Variants in NRG3 observed in about 807,000 individuals in gnomAD.
The protein encoded by NRG3 is neuregulin 3.
In NRG3, 31 loss-of-function variants were observed where a neutral mutation model predicts 66.9. The observed-to-expected ratio is 0.46, with a 90% confidence interval of 0.35 to 0.63. The LOEUF is 0.63. Among genes scored for constraint, NRG3 ranks in the 20% least tolerant of loss-of-function variants. The pLI, the probability that NRG3 is intolerant of heterozygous loss-of-function variation, is 0.00. For synonymous variants in NRG3, 393 were observed against 359.4 expected (o/e 1.09, Z -1.06); for missense variants, 910 against 878.9 (o/e 1.04, Z -0.45).
intron 5 of NRG3, among the ~76,000 whole-genome samples, chr10:82,952,982 A>G (rs1849683895): frequency 6.6e-6 from 1 of 152,036 alleles, no homozygotes; most frequent in Non-Finnish European, 1.5e-5. Context: ...GCCTTACATT[A>G]GCATGGTACA....
intron 2 of NRG3, among the ~76,000 whole-genome samples, chr10:82,559,759 C>T: frequency 6.6e-6 from 1 of 152,120 alleles, no homozygotes; most frequent in Non-Finnish European, 1.5e-5. Flanking sequence ...TGTCACTAAA[C>T]AGTATCAATG....
intron 2 of NRG3, among the ~76,000 whole-genome samples, chr10:82,418,309 G>A (rs1210035890): frequency 6.6e-6 from 1 of 151,724 alleles, no homozygotes; most frequent in Non-Finnish European, 1.5e-5. Context: ...TCACCCACAA[G>A]GTAGATATTT....
rs550680690 is a variant in NRG3 at position 82,106,319 on chromosome 10, A to G, written c.823+230156A>G. Among the ~76,000 whole-genome samples, 7 of 152,294 alleles carry G rather than the reference A, an allele frequency of 4.6e-5. No individual in the cohort carries two copies. The East Asian group carries it at 1.2e-3, about 25-fold the overall frequency. On this transcript the variant is annotated intron_variant, in intron 1 of 8. Transcript: ENST00000372141. ...CCACCAGTGTTGCTGAGCCAAGGGCATAGATGCTAGAAGTTAGACCCAGGA... is the reference window on the plus strand; with the variant it reads ...CCACCAGTGTTGCTGAGCCAAGGGCGTAGATGCTAGAAGTTAGACCCAGGA...
At chr10:82,410,819 G>A (rs1308597470) in intron 2 of NRG3, among the ~76,000 whole-genome samples, 3 of 151,908 alleles carry the variant, frequency 2.0e-5, no homozygotes, top group East Asian at 3.9e-4. Flanking sequence ...TCTTGCATAC[G>A]TTAGCACTCT....
intron 2 of NRG3, among the ~76,000 whole-genome samples, chr10:82,374,346 G>A (rs1339254190): frequency 6.6e-6 from 1 of 152,190 alleles, no homozygotes; most frequent in Non-Finnish European, 1.5e-5. Flanking sequence ...TAGGTAGGAG[G>A]TCTGATCGCC....
chr10:82,983,834 T>C (rs1853172998), intron 8 of NRG3, among the ~76,000 whole-genome samples: 1 of 152,218 alleles, frequency 6.6e-6, no homozygotes, highest in Non-Finnish European at 1.5e-5. Flanking sequence ...TCAAGTGTAT[T>C]GATTACAAAC....
intron 1 of NRG3, among the ~76,000 whole-genome samples, chr10:82,017,818 C>T (rs2061855584): frequency 6.6e-6 from 1 of 152,008 alleles, no homozygotes; most frequent in African/African-American, 2.4e-5. Context: ...TGTTTGAGTT[C>T]TTTGTAGATT....
intron 2 of NRG3, among the ~76,000 whole-genome samples, chr10:82,494,867 A>G (rs1564988894): frequency 6.6e-6 from 1 of 151,996 alleles, no homozygotes; most frequent in Non-Finnish European, 1.5e-5. Flanking sequence ...CATGTGAGAC[A>G]TTGGCAGCTA....
At chr10:82,088,244 A>T (rs1013093128) in intron 1 of NRG3, among the ~76,000 whole-genome samples, 1 of 149,416 alleles carries the variant, frequency 6.7e-6, no homozygotes, top group Non-Finnish European at 1.5e-5. Flanking sequence ...AGCTTCTTTC[A>T]TTTCTTTTTT....
chr10:82,206,331 G>A (rs986672623), intron 1 of NRG3, among the ~76,000 whole-genome samples: 9 of 152,034 alleles, frequency 5.9e-5, no homozygotes, highest in South Asian at 2.1e-4. Context: ...ACAAATGACC[G>A]TTCTCATTGG....
At chr10:82,005,764 C>T (rs2133725713) in intron 1 of NRG3, among the ~76,000 whole-genome samples, 2 of 152,256 alleles carry the variant, frequency 1.3e-5, no homozygotes, top group Middle Eastern at 6.8e-3. Flanking sequence ...ACACGTTTAG[C>T]ATGTTGTGCT....
At chr10:82,681,716 A>G (rs2054123054) in intron 2 of NRG3, among the ~76,000 whole-genome samples, 1 of 152,242 alleles carries the variant, frequency 6.6e-6, no homozygotes, top group African/African-American at 2.4e-5. Context: ...GAACTGACTT[A>G]TTAACTAATG....
At chr10:82,850,259 G>A (rs2063499514) in intron 3 of NRG3, among the ~76,000 whole-genome samples, 1 of 152,182 alleles carries the variant, frequency 6.6e-6, no homozygotes, top group South Asian at 2.1e-4. Flanking sequence ...TTGGCTTGCT[G>A]TAGCCATGCA....
chr10:82,929,475 G>A (rs1273871207), intron 4 of NRG3, among the ~76,000 whole-genome samples: 1 of 152,168 alleles, frequency 6.6e-6, no homozygotes, highest in East Asian at 1.9e-4. Flanking sequence ...GTGTTTACTG[G>A]TTAAATTTTA....
intron 4 of NRG3, among the ~76,000 whole-genome samples, chr10:82,907,827 G>C (rs1734999983): frequency 6.6e-6 from 1 of 152,116 alleles, no homozygotes; most frequent in South Asian, 2.1e-4. Flanking sequence ...AGGATGTGAA[G>C]TCTACATGTG....
chr10:82,355,055 C>A (rs1029310909), intron 1 of NRG3, among the ~76,000 whole-genome samples: 1 of 152,166 alleles, frequency 6.6e-6, no homozygotes, highest in Non-Finnish European at 1.5e-5. Flanking sequence ...TGATTAAGTA[C>A]ATGCCAAAAT....
intron 2 of NRG3, among the ~76,000 whole-genome samples, chr10:82,503,603 TC>T (rs1335291476): frequency 1.3e-5 from 2 of 152,184 alleles, no homozygotes; most frequent in African/African-American, 4.8e-5. Context: ...CACGGGGCCC[TC>T]AATCTATTTA....
rs60100337 is a variant in NRG3 at position 82,952,471 on chromosome 10, C to CTGTGTGTGTG, written c.1157+940_1157+949dup. 3.3e-4 allele frequency among the ~76,000 whole-genome samples: 33 copies of CTGTGTGTGTG among 98,836 alleles called. 1 individual carries two copies. Among genetic ancestry groups the CTGTGTGTGTG allele is most frequent in the African/African-American group, 1.2e-3 (29 of 24,134 alleles). The allele number at this position is 98,836 out of a possible 152,430, so 64.8% of individuals were successfully genotyped here. A position where few individuals can be genotyped will look rare whatever the true frequency, so the allele number is the denominator to read the frequency against. On this transcript the variant is annotated intron_variant, in intron 5 of 8. Transcript: ENST00000372141. ...TATAAACGTCTCTCTCTCTCTCTCT[C>CTGTGTGTGTG]TGTGTGTGTGTGTGTGTGTGTGTGT...
intron 1 of NRG3, among the ~76,000 whole-genome samples, chr10:82,109,788 C>A (rs1479191146): frequency 2.6e-5 from 4 of 152,046 alleles, no homozygotes; most frequent in Non-Finnish European, 4.4e-5. Context: ...TCATAACAAG[C>A]CTTCAAATTC....
Sources: gnomAD v4.1 joint callset for allele counts (sites outside exome capture counted in the v4.1 genomes callset) on GRCh38, gnomAD v4.1.1 for gene constraint, MANE v1.5 for transcripts, NCBI Gene and HGNC (gene_info 2026-07-23, HGNC 2026-07-21) for gene names.